Variants in DNAJC3 observed in about 807,000 individuals in gnomAD.
DNAJC3 encodes dnaJ homolog subfamily C member 3.
Under a neutral mutation model 68.6 loss-of-function variants are expected in DNAJC3, and 38 were observed. The ratio of observed to expected loss-of-function variants is 0.55; its 90% confidence interval spans 0.43 to 0.73. DNAJC3 has a LOEUF of 0.73. DNAJC3 is among the 30% of genes least tolerant of loss of function. The pLI is 0.00. For synonymous variants in DNAJC3, 203 were observed against 204.0 expected (o/e 1.00, Z 0.04); for missense variants, 526 against 591.9 (o/e 0.89, Z 1.16).
At chr13:95,717,555 T>C (rs1881190675) in intron 2 of DNAJC3, among the ~76,000 whole-genome samples, 1 of 152,204 alleles carries the variant, frequency 6.6e-6, no homozygotes, top group South Asian at 2.1e-4. Context: ...CTAGATGATA[T>C]GGTTTGGCTG....
intron 1 of DNAJC3, among the ~76,000 whole-genome samples, chr13:95,705,731 G>T (rs927150074): frequency 1.3e-5 from 2 of 151,960 alleles, no homozygotes; most frequent in Admixed American, 1.3e-4. Context: ...TAGAGATGAG[G>T]TCTCATTATG....
intron 11 of DNAJC3, among the ~76,000 whole-genome samples, chr13:95,787,989 CAAAAG>C (rs1883654761): frequency 2.0e-5 from 3 of 151,240 alleles, no homozygotes; most frequent in East Asian, 3.9e-4. Context: ...GCTAAACAAA[CAAAAG>C]AGAGGAAAGT....
intron 4 of DNAJC3, among the ~76,000 whole-genome samples, chr13:95,738,288 A>T (rs1235617599): frequency 6.6e-6 from 1 of 150,610 alleles, no homozygotes. Context: ...GCTGAAAAAA[A>T]TGTATATTCT....
chr13:95,740,498 G>A (rs997780022), intron 4 of DNAJC3, among the ~76,000 whole-genome samples: 3 of 152,192 alleles, frequency 2.0e-5, no homozygotes, highest in Non-Finnish European at 2.9e-5. Context: ...GCCAGGTGCC[G>A]GATATAATCT....
chr13:95,709,487 G>A, intron 2 of DNAJC3, 150 bp downstream of exon 2: 1 of 589,410 alleles, frequency 1.7e-6, no homozygotes. Flanking sequence ...GAAATAGATG[G>A]ATAAAATAAA....
chr13:95,699,841 A>T (rs1880539776), intron 1 of DNAJC3, among the ~76,000 whole-genome samples: 1 of 151,912 alleles, frequency 6.6e-6, no homozygotes, highest in African/African-American at 2.4e-5. Context: ...TCTTTTTTAA[A>T]CATTTTTGTT....
At chr13:95,744,772 T>C (rs565857005) in intron 4 of DNAJC3, 5 of 152,264 alleles carry the variant, frequency 3.3e-5, no homozygotes, top group African/African-American at 9.6e-5. Context: ...AAAAGAATAT[T>C]ATCAGGCAGG....
intron 7 of DNAJC3, 109 bp downstream of exon 7, chr13:95,760,907 A>G (rs1296181167): frequency 4.2e-6 from 6 of 1,444,128 alleles, no homozygotes; most frequent in Non-Finnish European, 3.7e-6. Flanking sequence ...AGGGTGGGGT[A>G]TTCTAGATAG....
chr13:95,783,697 G>A (rs17268589), intron 9 of DNAJC3, among the ~76,000 whole-genome samples: 9,252 of 152,220 alleles, frequency 0.061, 450 homozygotes, highest in Non-Finnish European at 0.091. Context: ...GTGGTGGTTC[G>A]TTTCTGTACG....
At chr13:95,720,015 TC>T (rs962197012) in intron 2 of DNAJC3, among the ~76,000 whole-genome samples, 1 of 152,176 alleles carries the variant, frequency 6.6e-6, no homozygotes, top group African/African-American at 2.4e-5. Context: ...GTTTTTTTTT[TC>T]CTAAATATTT....
intron 1 of DNAJC3, among the ~76,000 whole-genome samples, chr13:95,691,842 TAGG>T (rs1880273563): frequency 6.6e-6 from 1 of 152,220 alleles, no homozygotes; most frequent in African/African-American, 2.4e-5. Context: ...CACTCGCGGT[TAGG>T]AGCTGGAGAC....
At chr13:95,782,127 C>G (rs1883473523) in intron 9 of DNAJC3, among the ~76,000 whole-genome samples, 1 of 152,174 alleles carries the variant, frequency 6.6e-6, no homozygotes. Context: ...CTGTGAAGGA[C>G]TTGAACTCAC....
At chr13:95,722,343 T>TAC (rs1300722332) in intron 2 of DNAJC3, among the ~76,000 whole-genome samples, 1 of 152,192 alleles carries the variant, frequency 6.6e-6, no homozygotes, top group Non-Finnish European at 1.5e-5. Flanking sequence ...GCAGAGATTA[T>TAC]ACATTCAATA....
intron 1 of DNAJC3, among the ~76,000 whole-genome samples, chr13:95,709,012 A>G (rs143845030): frequency 2.6e-5 from 4 of 152,218 alleles, no homozygotes; most frequent in Non-Finnish European, 2.9e-5. Flanking sequence ...CTTTTGACTG[A>G]TTAGGTCAAG....
chr13:95,735,273 A>G (rs1196834529), intron 4 of DNAJC3, among the ~76,000 whole-genome samples: 6 of 116,298 alleles, frequency 5.2e-5, no homozygotes, highest in African/African-American at 1.0e-4. Flanking sequence ...TAATGCCGCA[A>G]TAAACATACG....
intron 9 of DNAJC3, among the ~76,000 whole-genome samples, chr13:95,773,109 ATT>A (rs540121753): frequency 1.3e-4 from 8 of 63,000 alleles, no homozygotes; most frequent in Non-Finnish European, 1.8e-4. Context: ...TTGGTTTTTG[ATT>A]TTTTTTTTTT....
intron 2 of DNAJC3, among the ~76,000 whole-genome samples, chr13:95,709,777 C>T (rs1220751971): frequency 6.6e-6 from 1 of 151,860 alleles, no homozygotes; most frequent in Non-Finnish European, 1.5e-5. Flanking sequence ...GTAGCTGGGA[C>T]TACACGCGCC....
chr13:95,690,973 A>ACC (rs1244805820), intron 1 of DNAJC3, among the ~76,000 whole-genome samples: 1 of 43,190 alleles, frequency 2.3e-5, no homozygotes, highest in Non-Finnish European at 4.4e-5. Flanking sequence ...GGGGGCTGAC[A>ACC]CCCCCACCTC....
At chr13:95,736,040 G>A (rs1387786213) in intron 4 of DNAJC3, among the ~76,000 whole-genome samples, 2 of 152,012 alleles carry the variant, frequency 1.3e-5, no homozygotes, top group Non-Finnish European at 2.9e-5. Context: ...TTCTACATAC[G>A]GCTAGCCAGT....
Sources: allele counts gnomAD v4.1 joint callset (sites outside exome capture counted in the v4.1 genomes callset), GRCh38; gene constraint gnomAD v4.1.1; transcripts MANE v1.5; gene names NCBI Gene and HGNC (gene_info 2026-07-23, HGNC 2026-07-21).